The following SLC8A1 variants were observed in gnomAD, a reference collection of about 807,000 sequenced individuals.
SLC8A1 encodes the protein sodium/calcium exchanger 1.
Under a neutral mutation model 68.3 loss-of-function variants are expected in SLC8A1, and 18 were observed. The ratio of observed to expected loss-of-function variants is 0.26; its 90% CI spans 0.18 to 0.39. The LOEUF (loss-of-function observed/expected upper bound fraction) is 0.39. SLC8A1 is among the 10% of genes least tolerant of loss of function. The pLI is 1.00. For synonymous variants in SLC8A1, 475 were observed against 415.5 expected (o/e 1.14, Z -1.74); for missense variants, 985 against 1,156.7 (o/e 0.85, Z 2.15).
intron 1 of SLC8A1, among the ~76,000 whole-genome samples, chr2:40,485,525 G>T (rs1415323033): frequency 2.0e-5 from 3 of 152,192 alleles, no homozygotes; most frequent in Non-Finnish European, 4.4e-5. Flanking sequence ...GGGATGTTAA[G>T]CAATGAGCCA....
chr2:40,473,988 A>G (rs1704139261), intron 1 of SLC8A1, among the ~76,000 whole-genome samples: 1 of 152,310 alleles, frequency 6.6e-6, no homozygotes, highest in South Asian at 2.1e-4. Context: ...AACTTCCACA[A>G]ATCGTAGTCA....
chr2:40,327,278 T>A (rs67824409), intron 2 of SLC8A1, among the ~76,000 whole-genome samples: 34,614 of 152,142 alleles, frequency 0.23, 4,711 homozygotes, highest in East Asian at 0.38. Flanking sequence ...ACAATTCACA[T>A]GAACATTCCA....
chr2:40,417,029 G>A (rs1032455081), intron 2 of SLC8A1, among the ~76,000 whole-genome samples: 4 of 152,044 alleles, frequency 2.6e-5, no homozygotes, highest in Non-Finnish European at 4.4e-5. Flanking sequence ...AAAGTACAGA[G>A]GTCTCTGCAA....
intron 2 of SLC8A1, among the ~76,000 whole-genome samples, chr2:40,226,393 A>T (rs2058981972): frequency 6.6e-6 from 1 of 152,180 alleles, no homozygotes; most frequent in African/African-American, 2.4e-5. Context: ...TGTGGTCCGT[A>T]AGAAATTATA....
At chr2:40,492,397 G>GAA (rs1705377219) in intron 1 of SLC8A1, among the ~76,000 whole-genome samples, 1 of 152,098 alleles carries the variant, frequency 6.6e-6, no homozygotes, top group East Asian at 1.9e-4. Flanking sequence ...AACCCTAGAA[G>GAA]AAAACCTAGG....
chr2:40,167,399 T>A (rs2046729266), intron 4 of SLC8A1, among the ~76,000 whole-genome samples: 4 of 152,240 alleles, frequency 2.6e-5, no homozygotes, highest in Admixed American at 2.6e-4. Flanking sequence ...CTAGTTTTCC[T>A]GTGTTAGTGA....
intron 2 of SLC8A1, among the ~76,000 whole-genome samples, chr2:40,269,569 T>C (rs754638686): frequency 9.9e-5 from 15 of 152,124 alleles, no homozygotes; most frequent in Non-Finnish European, 2.1e-4. Context: ...GAAGATTACA[T>C]AGGATGGAAC....
chr2:40,311,905 T>C (rs1355738978), intron 2 of SLC8A1, among the ~76,000 whole-genome samples: 1 of 152,094 alleles, frequency 6.6e-6, no homozygotes, highest in Non-Finnish European at 1.5e-5. Context: ...AGAAAATAGT[T>C]CTACATCAAA....
At chr2:40,127,651 G>A (rs1353366235) in intron 7 of SLC8A1, among the ~76,000 whole-genome samples, 1 of 152,162 alleles carries the variant, frequency 6.6e-6, no homozygotes, top group Non-Finnish European at 1.5e-5. Context: ...GCTACAGCAA[G>A]CCTTTCTTGT....
chr2:40,415,615 G>GCAAA (rs2149717706), intron 2 of SLC8A1, among the ~76,000 whole-genome samples: 1 of 152,178 alleles, frequency 6.6e-6, no homozygotes, highest in African/African-American at 2.4e-5. Context: ...GGTAGGTAAA[G>GCAAA]CAAACAAACG....
At chr2:40,108,274 A>G (rs777332384) in exon 8 of SLC8A1, 2 of 147,060 alleles carry the variant, frequency 1.4e-5, no homozygotes, top group African/African-American at 2.4e-5. Context: ...TAATTTGGAA[A>G]CGTGTGCCAA....
rs67427562 is a variant in SLC8A1 at position 40,280,251 on chromosome 2, TAAAAAA to T, written c.1809-102402_1809-102397del. Among the ~76,000 whole-genome samples, 381 of 94,460 alleles carry T rather than the reference TAAAAAA, an allele frequency of 4.0e-3. 5 individuals are homozygous for T. Among genetic ancestry groups the T allele is most frequent in the African/African-American group, 0.015 (352 of 24,268 alleles). The allele number at this position is 94,460 out of a possible 152,430, so 62.0% of individuals were successfully genotyped here. ...TGATAAAACCTGAGGAAATAAACAC[TAAAAAA>T]AAAAAAAAAAAAAAAAGGTTGTTTT... On this transcript the variant is annotated intron_variant, in intron 2 of 7. Transcript: ENST00000406785.
intron 2 of SLC8A1, among the ~76,000 whole-genome samples, chr2:40,196,705 T>TA: frequency 6.6e-6 from 1 of 152,084 alleles, no homozygotes; most frequent in East Asian, 1.9e-4. Context: ...TTAAGGGCCT[T>TA]AAAAAATAAC....
chr2:40,280,620 A>C (rs143538186), intron 2 of SLC8A1, among the ~76,000 whole-genome samples: 1 of 152,222 alleles, frequency 6.6e-6, no homozygotes. Flanking sequence ...CTGAAATAAA[A>C]GATTGAATCC....
chr2:40,430,187 G>C, exon 2 of SLC8A1: 1 of 1,613,632 alleles, frequency 6.2e-7, no homozygotes, highest in Middle Eastern at 1.7e-4. Flanking sequence ...GCAATTACAT[G>C]GTCCACATGG....
intron 2 of SLC8A1, among the ~76,000 whole-genome samples, chr2:40,243,939 G>C (rs1399012628): frequency 6.6e-6 from 1 of 152,178 alleles, no homozygotes; most frequent in African/African-American, 2.4e-5. Context: ...CAACGTAAGA[G>C]GAAAAGTGGG....
At chr2:40,407,942 C>T (rs1005100893) in intron 2 of SLC8A1, among the ~76,000 whole-genome samples, 1 of 152,124 alleles carries the variant, frequency 6.6e-6, no homozygotes, top group Non-Finnish European at 1.5e-5. Context: ...TAACTACTAA[C>T]CAGTTTGCAT....
intron 1 of SLC8A1, among the ~76,000 whole-genome samples, chr2:40,489,351 G>A (rs1176951117): frequency 1.3e-5 from 2 of 152,094 alleles, no homozygotes; most frequent in Non-Finnish European, 2.9e-5. Flanking sequence ...GCAAACACAT[G>A]TATTAAGGTG....
intron 2 of SLC8A1, among the ~76,000 whole-genome samples, chr2:40,341,399 C>T (rs1026339597): frequency 5.3e-5 from 8 of 152,126 alleles, no homozygotes; most frequent in Non-Finnish European, 8.8e-5. Flanking sequence ...ATCATAACAC[C>T]ATGACTCATT....
Sources: allele counts gnomAD v4.1 joint callset (sites outside exome capture counted in the v4.1 genomes callset), GRCh38; gene constraint gnomAD v4.1.1; transcripts MANE v1.5; gene names NCBI Gene and HGNC (gene_info 2026-07-23, HGNC 2026-07-21).